Variants in PCDHA13 observed in about 807,000 individuals in gnomAD.
PCDHA13 encodes protocadherin alpha-13.
PCDHA13 carries 54 observed loss-of-function variants against 64.8 expected under a neutral mutation model. The ratio of observed to expected loss-of-function variants is 0.83; its 90% CI spans 0.67 to 1.04. The LOEUF (loss-of-function observed/expected upper bound fraction) is 1.04. PCDHA13 is among the 50% of genes least tolerant of loss of function. The pLI, the probability that PCDHA13 is intolerant of heterozygous loss-of-function variation, is 0.00. For synonymous variants in PCDHA13, 587 were observed against 564.4 expected (o/e 1.04, Z -0.57); for missense variants, 1,248 against 1,254.3 (o/e 0.99, Z 0.08).
chr5:140,920,129 A>T lies in PCDHA13; in HGVS notation c.2394+35467A>T, dbSNP rs369489887. Among the ~76,000 whole-genome samples, 8 of 152,262 alleles carry T rather than the reference A, an allele frequency of 5.3e-5. No homozygotes were observed. The South Asian group carries it at 1.7e-3, about 32-fold the overall frequency. ...CAACCTTGCCAACATCTTGAGTTTT[A>T]ATTCTCCTCTCCAAACCTGGGAGAA... On this transcript the variant is annotated intron_variant, in intron 1 of 3. Transcript: ENST00000289272.
intron 3 of PCDHA13, among the ~76,000 whole-genome samples, chr5:140,984,877 C>A (rs1178230954): frequency 1.3e-5 from 2 of 151,944 alleles, no homozygotes; most frequent in Non-Finnish European, 2.9e-5. Flanking sequence ...TATTGAGTTA[C>A]CATGAGAACT....
At chr5:141,003,046 A>C (rs530303478) in intron 3 of PCDHA13, among the ~76,000 whole-genome samples, 76 of 152,356 alleles carry the variant, frequency 5.0e-4, no homozygotes, top group African/African-American at 1.8e-3. Context: ...TCCTGGCCTT[A>C]ACAGAACAGT....
In PCDHA13 at chr5:140,884,174, C is replaced by T. The variant is rs540874524; in HGVS notation, c.1906C>T (p.Pro636Ser). 6 of 1,613,436 alleles carry T rather than the reference C, an allele frequency of 3.7e-6. No individual in the cohort carries two copies. The highest frequency in any genetic ancestry group is 1.7e-4 in the Middle Eastern group (1 of 6,060). ...CACTGGCGAGATCAGCACGACGCGC[C>T]CTCTGGACGAGGTGGACGCGCCGCA... Reference protein sequence around the residue: ...LYTGEISTTRPLDEVDAPHHR... With the variant: ...LYTGEISTTRSLDEVDAPHHR... The change falls in exon 1 of 4, where the codon CCT (proline) becomes TCT (serine). Residue 636 changes from proline (P) to serine (S), a missense_variant. Coordinates refer to ENST00000289272, the MANE Select transcript of PCDHA13 (RefSeq NM_018904.3).
chr5:141,010,199 T>G lies in PCDHA13; in HGVS notation c.*262T>G. On this transcript the variant is annotated 3_prime_UTR_variant, in exon 4 of 4. Coordinates refer to ENST00000289272, the MANE Select transcript of PCDHA13 (RefSeq NM_018904.3). Reference sequence around the variant, plus strand: ...AAGCAGACCCAAGTTTCCTTTCTCCTCCGCCGCAAAGGAGAGGCTTCCCAG... The same window carrying G: ...AAGCAGACCCAAGTTTCCTTTCTCCGCCGCCGCAAAGGAGAGGCTTCCCAG... The G allele has an allele frequency of 1.3e-6, 2 of 1,551,990 alleles. No homozygotes were observed. Among genetic ancestry groups the G allele is most frequent in the South Asian group, 1.2e-5 (1 of 84,106 alleles).
chr5:140,986,732 C>T (rs1427962629), intron 3 of PCDHA13, among the ~76,000 whole-genome samples: 1 of 152,150 alleles, frequency 6.6e-6, no homozygotes, highest in African/African-American at 2.4e-5. Context: ...CTTCTCAAGA[C>T]CCCAGGGGAT....
chr5:140,994,217 T>G (rs781792763), intron 3 of PCDHA13, among the ~76,000 whole-genome samples: 2 of 152,110 alleles, frequency 1.3e-5, no homozygotes, highest in Non-Finnish European at 2.9e-5. Flanking sequence ...GGACCCAGGG[T>G]CTGTCTATGT....
chr5:140,985,421 G>T (rs1554247049), intron 3 of PCDHA13, among the ~76,000 whole-genome samples: 1 of 152,110 alleles, frequency 6.6e-6, no homozygotes, highest in African/African-American at 2.4e-5. Context: ...GGAGTGAGGA[G>T]GATTTATTAG....
At position 140,980,488 on chromosome 5, in the gene PCDHA13, G is replaced by A. The variant is rs372283383; in HGVS notation, c.2453+1481G>A. Among the ~76,000 whole-genome samples, 12 of 152,250 alleles carry A rather than the reference G, an allele frequency of 7.9e-5. No individual in the cohort carries two copies. The East Asian group carries it at 1.9e-3, about 25-fold the overall frequency. Reference sequence around the variant, plus strand: ...CTACTAAAAATACAAAAATTAGCTGGGCGTGATGGCATGTGCCTGTAGTTC... The same window carrying A: ...CTACTAAAAATACAAAAATTAGCTGAGCGTGATGGCATGTGCCTGTAGTTC... On this transcript the variant is annotated intron_variant, in intron 2 of 3. Transcript: ENST00000289272.
intron 3 of PCDHA13, among the ~76,000 whole-genome samples, chr5:140,990,224 G>A (rs1368393390): frequency 6.6e-6 from 1 of 152,160 alleles, no homozygotes; most frequent in South Asian, 2.1e-4. Flanking sequence ...GAAGTTTATT[G>A]TAACTAGCGT....
intron 1 of PCDHA13, among the ~76,000 whole-genome samples, chr5:140,969,908 TG>T (rs2096368267): frequency 6.6e-6 from 1 of 152,184 alleles, no homozygotes; most frequent in Non-Finnish European, 1.5e-5. Flanking sequence ...ATGTCACAAG[TG>T]ATAAAGCTGT....
At chr5:140,889,242 TTC>T (rs1195440878) in intron 1 of PCDHA13, among the ~76,000 whole-genome samples, 1 of 151,892 alleles carries the variant, frequency 6.6e-6, no homozygotes, top group African/African-American at 2.4e-5. Flanking sequence ...CCAGAAAATT[TTC>T]TGTTTCCTGT....
intron 2 of PCDHA13, among the ~76,000 whole-genome samples, chr5:140,981,442 C>T (rs1379745081): frequency 6.6e-6 from 1 of 151,988 alleles, no homozygotes; most frequent in Non-Finnish European, 1.5e-5. Flanking sequence ...GGCATGGTGG[C>T]GGGTGCCTGT....
intron 1 of PCDHA13, among the ~76,000 whole-genome samples, chr5:140,939,692 A>T (rs2092437980): frequency 6.6e-6 from 1 of 152,222 alleles, no homozygotes; most frequent in African/African-American, 2.4e-5. Context: ...GTGTTGCTGG[A>T]CATTATCATT....
In PCDHA13 at chr5:140,987,075, G is replaced by A. The variant is rs564788093; in HGVS notation, c.2542+4512G>A. On this transcript the variant is annotated intron_variant, in intron 3 of 3. Coordinates refer to ENST00000289272, the MANE Select transcript of PCDHA13 (RefSeq NM_018904.3). ...CTAAAGTTACAAAAATGAGCTGGGC[G>A]TGGTGGCAGGTGCCTGTAATCCCAG... is the stretch of plus-strand genomic sequence containing the variant. Among the ~76,000 whole-genome samples the A allele has an allele frequency of 3.7e-4, 57 of 152,124 alleles. No individual in the cohort carries two copies. In the East Asian group the frequency reaches 9.9e-3, roughly 26 times the overall value.
chr5:141,000,639 G>T (rs1375900945), intron 3 of PCDHA13, among the ~76,000 whole-genome samples: 1 of 151,186 alleles, frequency 6.6e-6, no homozygotes, highest in Non-Finnish European at 1.5e-5. Context: ...TGTTGGGCAG[G>T]CTGGTCTCGA....
Position 141,009,659 on chromosome 5 carries a change from G to A in PCDHA13, c.2575G>A (p.Gly859Ser), listed in dbSNP as rs781996586. 3.0e-5 allele frequency: 48 copies of A among 1,613,808 alleles called. No individual in the cohort carries two copies. Among genetic ancestry groups the A allele is most frequent in the East Asian group, 4.5e-5 (2 of 44,878 alleles). The change falls in exon 4 of 4, where the codon GGT becomes AGT. Residue 859 changes from glycine (G) to serine (S), a missense_variant. Coordinates refer to ENST00000289272, the MANE Select transcript of PCDHA13 (RefSeq NM_018904.3). ...GGCAGGAGAAGTGTCCCCTCCAGTC[G>A]GTGCGGGTGTCAACAGCAACAGCTG... is the stretch of plus-strand genomic sequence containing the variant. ...PEAGEVSPPV[G>S]AGVNSNSWTF...
At chr5:140,917,305 C>A (rs1554197951) in intron 1 of PCDHA13, among the ~76,000 whole-genome samples, 1 of 137,092 alleles carries the variant, frequency 7.3e-6, no homozygotes, top group Non-Finnish European at 1.5e-5. Flanking sequence ...ATAGTTGTTA[C>A]AATTTGGTGT....
intron 1 of PCDHA13, among the ~76,000 whole-genome samples, chr5:140,970,479 G>A (rs782054417): frequency 1.3e-4 from 20 of 152,160 alleles, no homozygotes; most frequent in Admixed American, 8.5e-4. Context: ...AGGCCAGCTT[G>A]TTCATTATTA....
intron 1 of PCDHA13, chr5:140,966,548 A>G (rs2096020413): frequency 2.1e-6 from 1 of 465,426 alleles, no homozygotes; most frequent in Admixed American, 4.3e-5. Flanking sequence ...CTCGGAGGCG[A>G]GCGGAGGAGC....
Sources: gnomAD v4.1 joint callset for allele counts (sites outside exome capture counted in the v4.1 genomes callset) on GRCh38, gnomAD v4.1.1 for gene constraint, MANE v1.5 for transcripts, NCBI Gene and HGNC (gene_info 2026-07-23, HGNC 2026-07-21) for gene names.